NTM: variants seen among roughly 807,000 people sequenced by gnomAD.
NTM encodes IgLON family member 2.
Under a neutral mutation model 42.1 loss-of-function variants are expected in NTM, and 13 were observed. The observed-to-expected ratio is 0.31, with a 90% CI of 0.20 to 0.49. NTM has a LOEUF of 0.49. Ranked by LOEUF, NTM falls within the 20% of genes least tolerant of loss-of-function variation. The pLI is 0.99. For missense variants in NTM, 373 were observed against 452.8 expected, an observed-to-expected ratio of 0.82 and a Z score of 1.60; for synonymous variants, 187 against 179.2, an observed-to-expected ratio of 1.04 and a Z score of -0.35.
intron 1 of NTM, among the ~76,000 whole-genome samples, chr11:131,778,683 C>G (rs187720227): frequency 6.6e-6 from 1 of 152,180 alleles, no homozygotes; most frequent in Non-Finnish European, 1.5e-5. Context: ...GAACTTTAGT[C>G]TCATTCTATC....
intron 3 of NTM, among the ~76,000 whole-genome samples, chr11:132,150,430 A>G (rs1200742158): frequency 6.6e-6 from 1 of 152,208 alleles, no homozygotes; most frequent in Non-Finnish European, 1.5e-5. Flanking sequence ...CTTCCATTGT[A>G]AAAAGCTTTA....
At chr11:132,164,650 A>G (rs1424934590) in intron 3 of NTM, among the ~76,000 whole-genome samples, 2 of 151,928 alleles carry the variant, frequency 1.3e-5, no homozygotes, top group South Asian at 2.1e-4. Flanking sequence ...TACTGTTGCC[A>G]TGTTGTCCTT....
chr11:131,677,640 A>G (rs2071660331), intron 1 of NTM, among the ~76,000 whole-genome samples: 1 of 152,212 alleles, frequency 6.6e-6, no homozygotes, highest in Non-Finnish European at 1.5e-5. Flanking sequence ...GCATTTACTG[A>G]GGGTCAAGCG....
At chr11:131,962,443 G>A (rs1013279102) in intron 2 of NTM, among the ~76,000 whole-genome samples, 10 of 152,260 alleles carry the variant, frequency 6.6e-5, no homozygotes, top group African/African-American at 2.2e-4. Flanking sequence ...CCCTCATAAT[G>A]GAATTAGTGC....
chr11:131,658,351 G>A (rs973611393), intron 1 of NTM, among the ~76,000 whole-genome samples: 12 of 152,114 alleles, frequency 7.9e-5, no homozygotes, highest in Non-Finnish European at 8.8e-5. Flanking sequence ...GCAGTTTTAG[G>A]TTCCAGTAAA....
chr11:131,899,622 T>C (rs2052823504), intron 1 of NTM, among the ~76,000 whole-genome samples: 1 of 152,212 alleles, frequency 6.6e-6, no homozygotes, highest in African/African-American at 2.4e-5. Flanking sequence ...TACAGATATA[T>C]AGCAGATGCC....
Position 131,789,602 on chromosome 11 carries a change from A to AAGG in NTM, c.83-121960_83-121959insGAG, listed in dbSNP as rs1565552570. 8.5e-4 allele frequency among the ~76,000 whole-genome samples: 61 copies of AAGG among 71,916 alleles called. 10 individuals carry two copies. Among genetic ancestry groups the AAGG allele is most frequent in the Non-Finnish European group, 1.3e-3 (46 of 36,352 alleles). The allele number at this position is 71,916 out of a possible 152,430, so 47.2% of individuals were successfully genotyped here. A position where few individuals can be genotyped will look rare whatever the true frequency, so the allele number is the denominator to read the frequency against. Reference sequence around the variant, plus strand: ...GAAGAAGAAGAAGAAGAAGAAGAAGAAGAAGAAGAAGAAGAAGAAGAAGAA... The same window carrying AAGG: ...GAAGAAGAAGAAGAAGAAGAAGAAGAAGGAGAAGAAGAAGAAGAAGAAGAAGAA... On this transcript the variant is annotated intron_variant, in intron 1 of 8. Coordinates refer to ENST00000683400, the MANE Select transcript of NTM (RefSeq NM_001352005.2).
intron 4 of NTM, among the ~76,000 whole-genome samples, chr11:132,266,881 A>G (rs1278661623): frequency 1.3e-5 from 2 of 152,224 alleles, no homozygotes; most frequent in African/African-American, 4.8e-5. Flanking sequence ...AAGGCCATTA[A>G]TAGATTTTGA....
chr11:131,767,725 A>G (rs1316542811), intron 1 of NTM, among the ~76,000 whole-genome samples: 1 of 152,226 alleles, frequency 6.6e-6, no homozygotes, highest in African/African-American at 2.4e-5. Context: ...TTTGGGAAAC[A>G]AATTTTCTTC....
intron 3 of NTM, among the ~76,000 whole-genome samples, chr11:132,180,194 A>G (rs963751901): frequency 2.6e-5 from 4 of 152,188 alleles, no homozygotes; most frequent in Non-Finnish European, 5.9e-5. Flanking sequence ...AAATTATTAC[A>G]TAATTTGTGA....
chr11:131,730,402 T>A (rs893132784), intron 1 of NTM, among the ~76,000 whole-genome samples: 1 of 151,902 alleles, frequency 6.6e-6, no homozygotes, highest in Non-Finnish European at 1.5e-5. Flanking sequence ...ACTGAAGTCA[T>A]AAAGGGGAGA....
rs998199851 is a variant in NTM, at chr11:131,589,728, G to T, written c.82+218840G>T. On this transcript the variant is annotated intron_variant, in intron 1 of 8. Coordinates refer to ENST00000683400, the MANE Select transcript of NTM (RefSeq NM_001352005.2). Reference sequence around the variant, plus strand: ...CCTGCATCCACACATACACACATGCGCACACACATGTGACACCAGGTCACT... The same window carrying T: ...CCTGCATCCACACATACACACATGCTCACACACATGTGACACCAGGTCACT... Among the ~76,000 whole-genome samples, 5 of 152,126 alleles carry T rather than the reference G, an allele frequency of 3.3e-5. No individual in the cohort carries two copies. The East Asian group carries it at 5.8e-4, about 18-fold the overall frequency.
At chr11:132,053,935 G>A (rs907265919) in intron 2 of NTM, among the ~76,000 whole-genome samples, 21 of 152,302 alleles carry the variant, frequency 1.4e-4, no homozygotes, top group South Asian at 4.1e-4. Flanking sequence ...TAAAAAAGTC[G>A]CTGGGTGCGG....
chr11:132,006,775 T>A (rs1035217320), intron 2 of NTM, among the ~76,000 whole-genome samples: 2 of 152,218 alleles, frequency 1.3e-5, no homozygotes, highest in African/African-American at 4.8e-5. Context: ...CTCCACAGTA[T>A]CAGGATCTCA....
chr11:132,068,334 G>A (rs577071657), intron 2 of NTM, among the ~76,000 whole-genome samples: 81 of 152,248 alleles, frequency 5.3e-4, no homozygotes, highest in Admixed American at 2.5e-3. Context: ...TACTTTGCTT[G>A]GAAGTCTCAT....
chr11:131,831,329 T>G (rs1269576216), intron 1 of NTM, among the ~76,000 whole-genome samples: 1 of 152,176 alleles, frequency 6.6e-6, no homozygotes, highest in Non-Finnish European at 1.5e-5. Flanking sequence ...TATTAACAAA[T>G]CTGATGCATG....
At chr11:132,000,251 T>G (rs1782432208) in intron 2 of NTM, among the ~76,000 whole-genome samples, 1 of 152,110 alleles carries the variant, frequency 6.6e-6, no homozygotes, top group African/African-American at 2.4e-5. Context: ...TCCAATAGCC[T>G]CCTCCCAAAG....
At chr11:132,272,022 T>A (rs938893151) in intron 4 of NTM, among the ~76,000 whole-genome samples, 1 of 152,172 alleles carries the variant, frequency 6.6e-6, no homozygotes, top group Non-Finnish European at 1.5e-5. Context: ...ATAGAACTTA[T>A]ATTATGTATC....
intron 1 of NTM, among the ~76,000 whole-genome samples, chr11:131,376,164 G>A (rs1755200527): frequency 6.6e-6 from 1 of 152,184 alleles, no homozygotes; most frequent in Admixed American, 6.5e-5. Flanking sequence ...GATGGAAGCG[G>A]GGAGGGAGGC....
Sources: allele counts gnomAD v4.1 joint callset (sites outside exome capture counted in the v4.1 genomes callset), GRCh38; gene constraint gnomAD v4.1.1; transcripts MANE v1.5; gene names NCBI Gene and HGNC (gene_info 2026-07-23, HGNC 2026-07-21).